AFG2A: variants seen among roughly 807,000 people sequenced by gnomAD.
AFG2A encodes the protein AAA ATPase AFG2A.
At chr4:123,204,857 G>A in the AFG2A span, among the ~76,000 whole-genome samples, 1 of 152,202 alleles carries the variant, frequency 6.6e-6, no homozygotes, top group African/African-American at 2.4e-5. Flanking sequence ...CAGTTTGCAA[G>A]AGGCACGTTT....
chr4:123,123,670 G>A, the AFG2A span, among the ~76,000 whole-genome samples: 3 of 152,100 alleles, frequency 2.0e-5, no homozygotes, highest in South Asian at 2.1e-4. Flanking sequence ...GGAAACGGCC[G>A]GGCGCGGTGG....
the AFG2A span, chr4:122,923,212 G>T: frequency 1.9e-6 from 3 of 1,614,232 alleles, no homozygotes; most frequent in Admixed American, 3.3e-5. Context: ...GCCCTCTGCT[G>T]CTTCCTCTTG....
chr4:123,191,200 T>A, the AFG2A span, among the ~76,000 whole-genome samples: 13 of 152,168 alleles, frequency 8.5e-5, no homozygotes, highest in Non-Finnish European at 1.6e-4. Context: ...AGTGATACCA[T>A]GTAGAAGAAA....
the AFG2A span, among the ~76,000 whole-genome samples, chr4:123,081,512 C>A: frequency 6.6e-6 from 1 of 152,132 alleles, no homozygotes. Flanking sequence ...TCTGGACCTA[C>A]CTCAGTTTAC....
the AFG2A span, among the ~76,000 whole-genome samples, chr4:123,261,089 C>T: frequency 6.6e-6 from 1 of 152,162 alleles, no homozygotes; most frequent in Non-Finnish European, 1.5e-5. Context: ...AAACCATCCC[C>T]CCACCCCATT....
the AFG2A span, among the ~76,000 whole-genome samples, chr4:123,121,677 A>C: frequency 6.6e-6 from 1 of 152,220 alleles, no homozygotes; most frequent in African/African-American, 2.4e-5. Flanking sequence ...TGGGTAGACT[A>C]TACCATCTAG....
At chr4:123,116,463 A>G in the AFG2A span, among the ~76,000 whole-genome samples, 1 of 152,206 alleles carries the variant, frequency 6.6e-6, no homozygotes, top group Non-Finnish European at 1.5e-5. Flanking sequence ...GAGGAATGAT[A>G]CTGGCATCCA....
At chr4:123,033,714 C>T in the AFG2A span, among the ~76,000 whole-genome samples, 1 of 152,160 alleles carries the variant, frequency 6.6e-6, no homozygotes, top group Non-Finnish European at 1.5e-5. Context: ...GAAAAGAACA[C>T]TAAGCTGGGA....
the AFG2A span, chr4:122,934,785 TAA>T: frequency 4.6e-6 from 7 of 1,517,690 alleles, no homozygotes; most frequent in Non-Finnish European, 6.2e-6. Context: ...AAATTCAAAT[TAA>T]AAGACAGTTG....
chr4:123,264,111 C>G, the AFG2A span, among the ~76,000 whole-genome samples: 12 of 152,108 alleles, frequency 7.9e-5, no homozygotes, highest in African/African-American at 2.9e-4. Context: ...AACTCAGAAA[C>G]AGAAACCCAA....
At chr4:123,280,433 C>G in the AFG2A span, among the ~76,000 whole-genome samples, 2 of 152,154 alleles carry the variant, frequency 1.3e-5, no homozygotes, top group South Asian at 4.1e-4. Context: ...CACATAGTAG[C>G]TTAAAACAAC....
the AFG2A span, among the ~76,000 whole-genome samples, chr4:123,147,402 A>G: frequency 2.0e-5 from 3 of 152,136 alleles, no homozygotes; most frequent in Non-Finnish European, 2.9e-5. Flanking sequence ...AAAGCCATCT[A>G]TTATTAAACT....
the AFG2A span, among the ~76,000 whole-genome samples, chr4:122,960,381 T>A: frequency 6.6e-6 from 1 of 152,220 alleles, no homozygotes; most frequent in South Asian, 2.1e-4. Context: ...TGTTAGAAGA[T>A]GCTTACAACA....
the AFG2A span, among the ~76,000 whole-genome samples, chr4:122,983,383 G>A: frequency 2.0e-5 from 3 of 150,856 alleles, no homozygotes; most frequent in South Asian, 2.1e-4. Context: ...CTATTTCTTT[G>A]TTGTGTAAAA....
the AFG2A span, among the ~76,000 whole-genome samples, chr4:123,010,497 A>C: frequency 0.91 from 138,109 of 152,154 alleles, 62,905 homozygotes; most frequent in East Asian, 0.96. Flanking sequence ...TTCAAAACAG[A>C]CATGCAGTAA....
chr4:123,149,852 T>C, the AFG2A span, among the ~76,000 whole-genome samples: 1 of 145,304 alleles, frequency 6.9e-6, no homozygotes, highest in Non-Finnish European at 1.5e-5. Context: ...GTCGCCCAGT[T>C]TGGAGTGCAA....
At chr4:123,297,269 T>C in the AFG2A span, among the ~76,000 whole-genome samples, 6 of 152,250 alleles carry the variant, frequency 3.9e-5, no homozygotes, top group Non-Finnish European at 5.9e-5. Context: ...AATGGCCTAA[T>C]TGTTCCTACA....
chr4:123,057,391 A>C, the AFG2A span: 1 of 1,268,800 alleles, frequency 7.9e-7, no homozygotes, highest in East Asian at 2.5e-5. Context: ...TTTATCTATT[A>C]ATACATTTGG....
At chr4:123,200,555 G>C in the AFG2A span, among the ~76,000 whole-genome samples, 1 of 152,210 alleles carries the variant, frequency 6.6e-6, no homozygotes, top group African/African-American at 2.4e-5. Context: ...CTTGACCATG[G>C]TTGCTCGGTG....
Sources: allele counts gnomAD v4.1 joint callset (sites outside exome capture counted in the v4.1 genomes callset), GRCh38; gene constraint gnomAD v4.1.1; transcripts MANE v1.5; gene names NCBI Gene and HGNC (gene_info 2026-07-23, HGNC 2026-07-21).